CENPW: variants seen among roughly 807,000 people sequenced by gnomAD.
CENPW encodes cancer-up-regulated gene 2 protein.
Under a neutral mutation model 11.1 loss-of-function variants are expected in CENPW, and 3 were observed. The observed-to-expected ratio is 0.27, with a 90% CI of 0.12 to 0.70. The LOEUF (loss-of-function observed/expected upper bound fraction) is 0.70, where lower values mean the gene tolerates loss of function less well. Among genes scored for constraint, CENPW ranks in the 30% least tolerant of loss-of-function variants. The pLI is 0.77. For synonymous variants in CENPW, 38 were observed against 42.0 expected, an observed-to-expected ratio of 0.91 and a Z score of 0.37; for missense variants, 100 against 105.6, an observed-to-expected ratio of 0.95 and a Z score of 0.23.
chr6:126,388,822 TC>T, the CENPW span, among the ~76,000 whole-genome samples: 2 of 152,072 alleles, frequency 1.3e-5, no homozygotes, highest in Admixed American at 1.3e-4. Flanking sequence ...TTTCTGCCAC[TC>T]CTACTAGATT....
chr6:126,467,599 A>T, the CENPW span, among the ~76,000 whole-genome samples: 1 of 152,166 alleles, frequency 6.6e-6, no homozygotes, highest in Non-Finnish European at 1.5e-5. Flanking sequence ...ATGTAAATTA[A>T]ATATTCATGA....
At chr6:126,412,913 A>G in the CENPW span, among the ~76,000 whole-genome samples, 10 of 152,112 alleles carry the variant, frequency 6.6e-5, no homozygotes, top group Non-Finnish European at 1.3e-4. Flanking sequence ...GAGGGAAGCA[A>G]TTGGTCAAGT....
chr6:126,340,287 C>A lies in CENPW; in HGVS notation c.14C>A (p.Thr5Asn). Reference protein sequence around the residue: MALSTIVSQRKQIKR... With the variant: MALSNIVSQRKQIKR... ...TTGACAGAGAGGATGGCGCTGTCGA[C>A]CATAGTCTCCCAGAGGAAGCAGATA... The change falls in exon 1 of 3, where the codon ACC (threonine) becomes AAC (asparagine). Residue 5 changes from threonine to asparagine, a missense_variant. Physicochemically the swap from Thr to Asn is moderately conservative, Grantham distance 65 (BLOSUM62 0). Transcript: ENST00000368328. 1 of 1,613,696 alleles carries A rather than the reference C, an allele frequency of 6.2e-7. No individual in the cohort carries two copies.
the CENPW span, among the ~76,000 whole-genome samples, chr6:126,429,494 G>T: frequency 6.6e-6 from 1 of 151,970 alleles, no homozygotes; most frequent in East Asian, 1.9e-4. Context: ...ACTCTCTCTT[G>T]TTCCTGCTTT....
the CENPW span, among the ~76,000 whole-genome samples, chr6:126,407,169 T>C: frequency 5.9e-5 from 9 of 152,286 alleles, no homozygotes; most frequent in Middle Eastern, 6.8e-3. Flanking sequence ...CATTTGTAAG[T>C]GAGAACATAA....
At chr6:126,352,962 A>C (rs1466869116), downstream of CENPW, among the ~76,000 whole-genome samples, 2 of 152,084 alleles carry the variant, frequency 1.3e-5, no homozygotes, top group Non-Finnish European at 2.9e-5. Context: ...TATATCCTCT[A>C]TCAATCTGCT....
chr6:126,352,517 A>G (rs1780503124), downstream of CENPW, among the ~76,000 whole-genome samples: 1 of 152,120 alleles, frequency 6.6e-6, no homozygotes, highest in Non-Finnish European at 1.5e-5. Flanking sequence ...AGATATTATC[A>G]TCTCTAATCC....
At chr6:126,432,507 T>C in the CENPW span, among the ~76,000 whole-genome samples, 2 of 152,200 alleles carry the variant, frequency 1.3e-5, no homozygotes, top group African/African-American at 4.8e-5. Context: ...TTTTTTTCCA[T>C]TCTAATTTGC....
the CENPW span, among the ~76,000 whole-genome samples, chr6:126,450,857 A>G: frequency 7.9e-5 from 12 of 150,996 alleles, no homozygotes; most frequent in African/African-American, 2.7e-4. Flanking sequence ...AAAATTAACA[A>G]TACAACATTT....
At chr6:126,454,948 G>T in the CENPW span, among the ~76,000 whole-genome samples, 65,941 of 151,044 alleles carry the variant, frequency 0.44, 16,532 homozygotes, top group East Asian at 0.97. Context: ...ACACCTTTAG[G>T]CACACACATT....
the CENPW span, among the ~76,000 whole-genome samples, chr6:126,391,906 A>G: frequency 2.0e-5 from 3 of 151,966 alleles, no homozygotes; most frequent in African/African-American, 7.2e-5. Flanking sequence ...AGGTAATGTG[A>G]TTCCTCCAGT....
the CENPW span, among the ~76,000 whole-genome samples, chr6:126,384,101 TC>T: frequency 6.6e-6 from 1 of 152,062 alleles, no homozygotes; most frequent in Non-Finnish European, 1.5e-5. Context: ...AGAAAATCAC[TC>T]AAAACCATGT....
At chr6:126,471,525 A>G in the CENPW span, among the ~76,000 whole-genome samples, 1 of 152,200 alleles carries the variant, frequency 6.6e-6, no homozygotes, top group Non-Finnish European at 1.5e-5. Flanking sequence ...ACATAGCAGC[A>G]CTATTTTAAA....
the CENPW span, among the ~76,000 whole-genome samples, chr6:126,425,521 C>T: frequency 6.6e-6 from 1 of 151,872 alleles, no homozygotes; most frequent in Non-Finnish European, 1.5e-5. Flanking sequence ...CATTAAGGAC[C>T]GTAAACTCTT....
chr6:126,452,237 G>A, the CENPW span, among the ~76,000 whole-genome samples: 10 of 151,034 alleles, frequency 6.6e-5, no homozygotes, highest in East Asian at 1.2e-3. Flanking sequence ...TCAAAATAAC[G>A]TGATATATGA....
At chr6:126,375,084 A>G in the CENPW span, among the ~76,000 whole-genome samples, 11 of 152,324 alleles carry the variant, frequency 7.2e-5, no homozygotes, top group Admixed American at 1.3e-4. Context: ...GAGTTTTACT[A>G]TGAGATAGAT....
At chr6:126,385,886 T>TTTATAGCA in the CENPW span, among the ~76,000 whole-genome samples, 1 of 152,146 alleles carries the variant, frequency 6.6e-6, no homozygotes, top group South Asian at 2.1e-4. Flanking sequence ...TGAGCAGTTC[T>TTTATAGCA]TTATAGCAAT....
chr6:126,385,872 G>C, the CENPW span, among the ~76,000 whole-genome samples: 1 of 152,070 alleles, frequency 6.6e-6, no homozygotes, highest in South Asian at 2.1e-4. Flanking sequence ...AAATTACTGA[G>C]TCTTGAGCAG....
the CENPW span, among the ~76,000 whole-genome samples, chr6:126,409,077 A>G: frequency 6.6e-6 from 1 of 151,978 alleles, no homozygotes; most frequent in Non-Finnish European, 1.5e-5. Flanking sequence ...TTTTTGGTGT[A>G]GGTACTTATT....
Sources: gnomAD v4.1 joint callset for allele counts (sites outside exome capture counted in the v4.1 genomes callset) on GRCh38, gnomAD v4.1.1 for gene constraint, MANE v1.5 for transcripts, NCBI Gene and HGNC (gene_info 2026-07-23, HGNC 2026-07-21) for gene names.